Variants in SLC2A13 observed in about 807,000 individuals in gnomAD.
SLC2A13 encodes the protein proton myo-inositol cotransporter.
Under a neutral mutation model 64.4 loss-of-function variants are expected in SLC2A13, and 32 were observed. The ratio of observed to expected loss-of-function variants is 0.50; its 90% CI spans 0.37 to 0.67. The LOEUF (loss-of-function observed/expected upper bound fraction) is 0.67. SLC2A13 is among the 30% of genes least tolerant of loss of function. The pLI, the probability that SLC2A13 is intolerant of heterozygous loss-of-function variation, is 0.00. For synonymous variants in SLC2A13, 338 were observed against 327.1 expected (o/e 1.03, Z -0.36); for missense variants, 743 against 829.2 (o/e 0.90, Z 1.28).
chr12:39,891,091 C>A lies in SLC2A13; in HGVS notation c.1035-19130G>T, dbSNP rs574876980. Among the ~76,000 whole-genome samples the A allele has an allele frequency of 2.7e-5, 4 of 150,060 alleles. No individual in the cohort carries two copies. In the South Asian group the frequency reaches 8.6e-4, roughly 32 times the overall value. ...AGAAAAATTCTGGACACCTAAATCA[C>A]TAAGAATCTCTCAAAGTTTCAAATA... On this transcript the variant is annotated intron_variant, in intron 4 of 9. Transcript: ENST00000280871.
intron 7 of SLC2A13, among the ~76,000 whole-genome samples, chr12:39,779,833 T>C (rs1940915731): frequency 6.6e-6 from 1 of 152,258 alleles, no homozygotes; most frequent in South Asian, 2.1e-4. Context: ...ATTCTGATTT[T>C]ATTTTCTTTC....
intron 5 of SLC2A13, among the ~76,000 whole-genome samples, chr12:39,870,423 A>G (rs1270064720): frequency 6.6e-6 from 1 of 152,194 alleles, no homozygotes; most frequent in Admixed American, 6.5e-5. Context: ...CTAATGATTC[A>G]GTCCATTTCA....
intron 4 of SLC2A13, among the ~76,000 whole-genome samples, chr12:39,882,380 C>T (rs1413565045): frequency 6.6e-6 from 1 of 152,196 alleles, no homozygotes; most frequent in Non-Finnish European, 1.5e-5. Context: ...CCATCACGTT[C>T]ATCATTCTCA....
intron 4 of SLC2A13, among the ~76,000 whole-genome samples, chr12:39,874,459 CAAA>C (rs1362174409): frequency 4.6e-5 from 7 of 151,796 alleles, no homozygotes; most frequent in African/African-American, 1.7e-4. Context: ...ATTAAAAATA[CAAA>C]AAATTAGCTG....
chr12:39,862,595 C>T (rs1347255469), intron 6 of SLC2A13, among the ~76,000 whole-genome samples: 1 of 152,190 alleles, frequency 6.6e-6, no homozygotes, highest in Non-Finnish European at 1.5e-5. Flanking sequence ...CGGATCACTC[C>T]ATGGGGAAAG....
At chr12:39,985,194 G>T (rs1029366183) in intron 3 of SLC2A13, among the ~76,000 whole-genome samples, 2 of 152,012 alleles carry the variant, frequency 1.3e-5, no homozygotes, top group Non-Finnish European at 1.5e-5. Flanking sequence ...CATGATTATC[G>T]CAATTTTGTC....
At chr12:39,840,159 G>C (rs1251151228) in intron 6 of SLC2A13, among the ~76,000 whole-genome samples, 2 of 152,012 alleles carry the variant, frequency 1.3e-5, no homozygotes, top group Non-Finnish European at 2.9e-5. Flanking sequence ...AGCTTCCTGA[G>C]TAGCTGGGAT....
intron 7 of SLC2A13, among the ~76,000 whole-genome samples, chr12:39,813,437 C>T (rs1050626628): frequency 6.6e-5 from 10 of 152,100 alleles, no homozygotes; most frequent in African/African-American, 2.4e-4. Context: ...GTCACTTAAT[C>T]CACCTCTCCT....
intron 3 of SLC2A13, among the ~76,000 whole-genome samples, chr12:39,957,621 T>G (rs1047469387): frequency 2.8e-4 from 42 of 152,254 alleles, no homozygotes; most frequent in African/African-American, 1.0e-3. Flanking sequence ...TTGAGAATAA[T>G]TACAAAAACG....
At chr12:39,862,789 G>A (rs185411166) in intron 6 of SLC2A13, among the ~76,000 whole-genome samples, 124 of 152,246 alleles carry the variant, frequency 8.1e-4, no homozygotes, top group African/African-American at 2.8e-3. Context: ...TATACAATGT[G>A]TAATGATCAA....
chr12:40,008,917 T>G (rs1018195071), intron 3 of SLC2A13, among the ~76,000 whole-genome samples: 1 of 152,186 alleles, frequency 6.6e-6, no homozygotes, highest in Non-Finnish European at 1.5e-5. Context: ...CCAAATGTAA[T>G]GCCTATTAAT....
At chr12:40,012,818 T>C (rs1246010665) in intron 3 of SLC2A13, among the ~76,000 whole-genome samples, 1 of 152,176 alleles carries the variant, frequency 6.6e-6, no homozygotes, top group Non-Finnish European at 1.5e-5. Context: ...TGGAATCCAA[T>C]TTTATGGTCC....
rs1324465660 is a variant in SLC2A13, at chr12:39,782,688, G to T, written c.1446-17830C>A. Among the ~76,000 whole-genome samples the T allele has an allele frequency of 4.6e-5, 7 of 152,180 alleles. No individual in the cohort carries two copies. The East Asian group carries it at 1.3e-3, about 29-fold the overall frequency. On this transcript the variant is annotated intron_variant, in intron 7 of 9. Coordinates refer to ENST00000280871, the MANE Select transcript of SLC2A13 (RefSeq NM_052885.4). ...TGGGTAACAGACAAAGGTTGGAACA[G>T]TTTGGAGGGATCAAAAGAAGACAGG...
intron 1 of SLC2A13, among the ~76,000 whole-genome samples, chr12:40,073,093 A>G (rs978659969): frequency 2.6e-5 from 4 of 152,128 alleles, no homozygotes; most frequent in Non-Finnish European, 4.4e-5. Flanking sequence ...TCCACCTTCA[A>G]GTGCCACTAG....
chr12:39,829,890 C>G (rs1424877346), intron 7 of SLC2A13: 2 of 590,618 alleles, frequency 3.4e-6, no homozygotes, highest in Non-Finnish European at 5.8e-6. Context: ...AAATCTGGGT[C>G]TCCAAAAGTC....
chr12:40,009,471 T>A (rs1184489654), intron 3 of SLC2A13, among the ~76,000 whole-genome samples: 1 of 152,162 alleles, frequency 6.6e-6, no homozygotes, highest in Admixed American at 6.5e-5. Flanking sequence ...TTCTGTCACC[T>A]AGGCTGGAGT....
intron 4 of SLC2A13, among the ~76,000 whole-genome samples, chr12:39,914,968 GT>G (rs1945499516): frequency 6.6e-6 from 1 of 151,858 alleles, no homozygotes; most frequent in Admixed American, 6.6e-5. Flanking sequence ...TCATCACAAA[GT>G]TAACAGGTTA....
chr12:40,039,396 G>A (rs899169646), intron 2 of SLC2A13, among the ~76,000 whole-genome samples: 3 of 152,032 alleles, frequency 2.0e-5, no homozygotes, highest in Admixed American at 1.3e-4. Flanking sequence ...CATTTAATGC[G>A]ATTATTACCA....
At position 39,994,663 on chromosome 12, in the gene SLC2A13, C is replaced by T. The variant is rs1947197856; in HGVS notation, c.925+33638G>A. Among the ~76,000 whole-genome samples the T allele has an allele frequency of 2.6e-5, 4 of 152,212 alleles. No homozygotes were observed. In the South Asian group the frequency reaches 8.3e-4, roughly 32 times the overall value. On this transcript the variant is annotated intron_variant, in intron 3 of 9. Transcript: ENST00000280871. ...CTCAGTTCTTGGGCTTTTCATCTAC[C>T]TGGGCGTAATAAACAGAAAAAGAGC...
Sources: allele counts gnomAD v4.1 joint callset (sites outside exome capture counted in the v4.1 genomes callset), GRCh38; gene constraint gnomAD v4.1.1; transcripts MANE v1.5; gene names NCBI Gene and HGNC (gene_info 2026-07-23, HGNC 2026-07-21).